The following LRRTM4 variants were observed in gnomAD, a reference collection of about 807,000 sequenced individuals.
LRRTM4 encodes the protein leucine-rich repeat transmembrane neuronal protein 4.
Under a neutral mutation model 47.6 loss-of-function variants are expected in LRRTM4, and 25 were observed. The observed-to-expected ratio is 0.53, with a 90% confidence interval of 0.38 to 0.73. The LOEUF is 0.73. Ranked by LOEUF, LRRTM4 falls within the 30% of genes least tolerant of loss-of-function variation. The probability of loss-of-function intolerance (pLI) is 0.00; values close to 1 mark genes in which losing one functional copy is unlikely to be tolerated. For missense variants in LRRTM4, 638 were observed against 713.4 expected, an observed-to-expected ratio of 0.89 and a Z score of 1.20; for synonymous variants, 311 against 269.5, an observed-to-expected ratio of 1.15 and a Z score of -1.51.
rs772689392 is a variant in LRRTM4, at chr2:77,431,527, C to T, written c.1551+86791G>A. On this transcript the variant is annotated intron_variant, in intron 3 of 3. Coordinates refer to ENST00000409884, the MANE Select transcript of LRRTM4 (RefSeq NM_001134745.3). ...AAAATTCTCACATGCAAAATGCATC[C>T]ACTCCATCCCAATAGCTCCAAATGT... is the stretch of plus-strand genomic sequence containing the variant. Among the ~76,000 whole-genome samples the T allele has an allele frequency of 2.7e-5, 4 of 148,900 alleles. 1 individual carries two copies. Among genetic ancestry groups the T allele is most frequent in the African/African-American group, 7.8e-5 (3 of 38,390 alleles).
chr2:76,841,907 T>C (rs533675092), intron 3 of LRRTM4, among the ~76,000 whole-genome samples: 1 of 152,302 alleles, frequency 6.6e-6, no homozygotes, highest in African/African-American at 2.4e-5. Flanking sequence ...AGTGAAGCTA[T>C]GGGACAATGG....
intron 3 of LRRTM4, among the ~76,000 whole-genome samples, chr2:77,234,134 A>G (rs558312384): frequency 1.8e-4 from 28 of 152,302 alleles, no homozygotes; most frequent in African/African-American, 6.5e-4. Context: ...TGCCAGATAT[A>G]CAGTACTAGA....
intron 3 of LRRTM4, among the ~76,000 whole-genome samples, chr2:76,891,775 T>G (rs910100056): frequency 6.6e-6 from 1 of 151,658 alleles, no homozygotes; most frequent in Non-Finnish European, 1.5e-5. Context: ...GAGGAAAACA[T>G]AGATGAATTG....
chr2:76,915,911 AT>A, intron 3 of LRRTM4, among the ~76,000 whole-genome samples: 2 of 152,302 alleles, frequency 1.3e-5, no homozygotes, highest in Middle Eastern at 6.8e-3. Flanking sequence ...GTGAGGAAAT[AT>A]TTATTGGTGA....
At chr2:77,013,166 G>A (rs1268663792) in intron 3 of LRRTM4, among the ~76,000 whole-genome samples, 1 of 148,572 alleles carries the variant, frequency 6.7e-6, no homozygotes, top group African/African-American at 2.4e-5. Context: ...CCAGCTTTGG[G>A]CTGAATCAGG....
At position 76,798,868 on chromosome 2, in the gene LRRTM4, G is replaced by A. The variant is rs560403907; in HGVS notation, c.1552-49952C>T. Among the ~76,000 whole-genome samples, 11 of 152,210 alleles carry A rather than the reference G, an allele frequency of 7.2e-5. No homozygotes were observed. In the South Asian group the frequency reaches 2.3e-3, roughly 32 times the overall value. On this transcript the variant is annotated intron_variant, in intron 3 of 3. Transcript: ENST00000409884. The stretch of plus-strand genomic sequence containing the variant: ...AAATCTACAAGAAATGGATACATTC[G>A]TGGACACATGCACTCTCCCAAGACT...
chr2:76,774,178 C>CTT (rs11342000), intron 3 of LRRTM4, among the ~76,000 whole-genome samples: 2 of 146,918 alleles, frequency 1.4e-5, no homozygotes, highest in African/African-American at 2.5e-5. Flanking sequence ...GAAAAGGGAA[C>CTT]TTTTTTTTTT....
intron 3 of LRRTM4, among the ~76,000 whole-genome samples, chr2:76,934,836 A>C (rs1397326031): frequency 6.6e-6 from 1 of 152,172 alleles, no homozygotes; most frequent in African/African-American, 2.4e-5. Context: ...TTTACTCAGA[A>C]AGGAAAAACA....
At chr2:77,427,632 G>T (rs1006808199) in intron 3 of LRRTM4, among the ~76,000 whole-genome samples, 2 of 152,118 alleles carry the variant, frequency 1.3e-5, no homozygotes, top group South Asian at 2.1e-4. Context: ...TAGTTGAGTT[G>T]TTGATTTAAC....
intron 3 of LRRTM4, among the ~76,000 whole-genome samples, chr2:76,967,014 C>T (rs74392018): frequency 0.039 from 5,881 of 151,490 alleles, 251 homozygotes; most frequent in East Asian, 0.14. Flanking sequence ...GCCAAATCAC[C>T]TATCAAATAA....
intron 3 of LRRTM4, among the ~76,000 whole-genome samples, chr2:77,244,654 T>C (rs1368915617): frequency 2.6e-5 from 4 of 151,960 alleles, no homozygotes; most frequent in Non-Finnish European, 4.4e-5. Context: ...GACTTAGAAG[T>C]TCATAAGAAA....
chr2:77,183,752 TA>T (rs1362827446), intron 3 of LRRTM4, among the ~76,000 whole-genome samples: 9 of 152,018 alleles, frequency 5.9e-5, no homozygotes, highest in Non-Finnish European at 1.2e-4. Flanking sequence ...TATGCAGCCA[TA>T]AAAAAGCAAT....
Position 76,897,273 on chromosome 2 carries a change from C to G in LRRTM4, c.1552-148357G>C, listed in dbSNP as rs146189920. Among the ~76,000 whole-genome samples the G allele has an allele frequency of 2.1e-3, 327 of 152,148 alleles. 7 individuals are homozygous for G. The highest frequency in any genetic ancestry group is 7.7e-3 in the African/African-American group (318 of 41,510). The stretch of plus-strand genomic sequence containing the variant: ...AACTTAGCTCTCTGGAAATTAAACT[C>G]CTGAGTGGATAGAGGAAAGAAATAT... On this transcript the variant is annotated intron_variant, in intron 3 of 3. Transcript: ENST00000409884.
intron 3 of LRRTM4, among the ~76,000 whole-genome samples, chr2:77,471,675 G>C (rs913988838): frequency 1.3e-5 from 2 of 152,134 alleles, no homozygotes; most frequent in Non-Finnish European, 2.9e-5. Flanking sequence ...AAATCCACTT[G>C]ATAGCTTCTC....
intron 3 of LRRTM4, among the ~76,000 whole-genome samples, chr2:77,386,792 T>TG (rs1193767604): frequency 6.7e-6 from 1 of 150,084 alleles, no homozygotes; most frequent in Non-Finnish European, 1.5e-5. Context: ...TGTCGGGGAG[T>TG]GGGGGGCAAG....
intron 3 of LRRTM4, among the ~76,000 whole-genome samples, chr2:76,759,377 T>C (rs1673171716): frequency 6.6e-6 from 1 of 152,118 alleles, no homozygotes; most frequent in African/African-American, 2.4e-5. Flanking sequence ...TACTTGGAAG[T>C]CAGACTTGAA....
chr2:77,513,936 T>G (rs1679114282), intron 3 of LRRTM4, among the ~76,000 whole-genome samples: 1 of 152,102 alleles, frequency 6.6e-6, no homozygotes, highest in Non-Finnish European at 1.5e-5. Context: ...AAAATCTTGG[T>G]GATTTTAACA....
At chr2:77,301,247 T>C (rs1240935861) in intron 3 of LRRTM4, among the ~76,000 whole-genome samples, 2 of 152,124 alleles carry the variant, frequency 1.3e-5, no homozygotes, top group Non-Finnish European at 2.9e-5. Context: ...CTTCAAAATA[T>C]CATAACTGTG....
intron 3 of LRRTM4, among the ~76,000 whole-genome samples, chr2:76,916,357 C>T (rs1674245239): frequency 7.8e-6 from 1 of 127,566 alleles, no homozygotes; most frequent in Admixed American, 9.9e-5. Flanking sequence ...CGCACTCCAG[C>T]CTGGGCGACA....
Sources: gnomAD v4.1 joint callset for allele counts (sites outside exome capture counted in the v4.1 genomes callset) on GRCh38, gnomAD v4.1.1 for gene constraint, MANE v1.5 for transcripts, NCBI Gene and HGNC (gene_info 2026-07-23, HGNC 2026-07-21) for gene names.